Variants in STK10 observed in about 807,000 individuals in gnomAD.
STK10 encodes serine/threonine-protein kinase 10.
A neutral mutation model predicts 113.8 loss-of-function variants in STK10; 78 were observed. The ratio of observed to expected loss-of-function variants is 0.69; its 90% CI spans 0.57 to 0.83. The LOEUF (loss-of-function observed/expected upper bound fraction) is 0.83. Among genes scored for constraint, STK10 ranks in the 40% least tolerant of loss-of-function variants. STK10 has a pLI of 0.00. For missense variants in STK10, 1,109 were observed against 1,280.1 expected, an observed-to-expected ratio of 0.87 and a Z score of 2.04; for synonymous variants, 465 against 494.7, an observed-to-expected ratio of 0.94 and a Z score of 0.80.
intron 12 of STK10, among the ~76,000 whole-genome samples, chr5:172,069,965 G>A (rs1178557774): frequency 6.6e-6 from 1 of 152,116 alleles, no homozygotes; most frequent in Non-Finnish European, 1.5e-5. Context: ...AAAAATATAT[G>A]GGCCGGGCGT....
At chr5:172,075,717 T>C (rs1022184188) in intron 12 of STK10, among the ~76,000 whole-genome samples, 6 of 152,104 alleles carry the variant, frequency 3.9e-5, no homozygotes, top group African/African-American at 1.4e-4. Flanking sequence ...TAAATACATA[T>C]GGGTAGCAAG....
intron 1 of STK10, among the ~76,000 whole-genome samples, chr5:172,182,349 CA>C (rs1442327801): frequency 7.0e-6 from 1 of 143,152 alleles, no homozygotes; most frequent in East Asian, 2.2e-4. Flanking sequence ...AACAAAAAAT[CA>C]AAACCAAAGC....
intron 7 of STK10, among the ~76,000 whole-genome samples, chr5:172,104,345 G>C (rs1056469874): frequency 6.6e-6 from 1 of 152,234 alleles, no homozygotes; most frequent in Non-Finnish European, 1.5e-5. Flanking sequence ...GAACACTGTT[G>C]TGGACACACC....
chr5:172,070,624 A>G (rs191501122), intron 12 of STK10, among the ~76,000 whole-genome samples: 3 of 152,290 alleles, frequency 2.0e-5, no homozygotes, highest in East Asian at 3.9e-4. Context: ...CAAGACTAAT[A>G]TAACAGCAGA....
chr5:172,151,400 C>A (rs1012964768), intron 2 of STK10, among the ~76,000 whole-genome samples: 2 of 151,728 alleles, frequency 1.3e-5, no homozygotes, highest in African/African-American at 4.8e-5. Flanking sequence ...GGCTGGAGTG[C>A]AATGGCACAA....
In STK10 at chr5:172,082,123, A is replaced by G. The variant is rs1279169492; in HGVS notation, c.1989+203T>C. 6.6e-6 allele frequency among the ~76,000 whole-genome samples: 1 copy of G among 152,138 alleles called. No homozygotes were observed. The highest frequency in any genetic ancestry group is 2.4e-5 in the African/African-American group (1 of 41,426). ...GGTGAGGCCTGCCCTGAGCCATAGC[A>G]ACACAGAGGAAAGCAGAGTTCAGAA... On this transcript the variant is annotated intron_variant, in intron 12 of 18. Coordinates refer to ENST00000176763, the MANE Select transcript of STK10 (RefSeq NM_005990.4). The surrounding 1 kb of genome is among the most constrained non-coding windows in gnomAD (Gnocchi z 4.3).
intron 1 of STK10, among the ~76,000 whole-genome samples, chr5:172,162,465 C>CA (rs1770491074): frequency 6.6e-6 from 1 of 152,210 alleles, no homozygotes; most frequent in African/African-American, 2.4e-5. Context: ...CACACACACA[C>CA]AGTCTTAACT....
At chr5:172,181,765 C>T (rs1447134588) in intron 1 of STK10, among the ~76,000 whole-genome samples, 1 of 151,638 alleles carries the variant, frequency 6.6e-6, no homozygotes, top group Non-Finnish European at 1.5e-5. Flanking sequence ...GAGCCAAGAT[C>T]GCGCTAATGC....
intron 1 of STK10, among the ~76,000 whole-genome samples, chr5:172,186,331 C>T (rs1397548441): frequency 6.6e-6 from 1 of 150,918 alleles, no homozygotes; most frequent in East Asian, 2.0e-4. Context: ...CTCAAAATTG[C>T]CACCGCTCCA....
intron 2 of STK10, among the ~76,000 whole-genome samples, chr5:172,141,898 G>GT (rs1037084588): frequency 2.6e-4 from 40 of 152,280 alleles, no homozygotes; most frequent in African/African-American, 9.6e-4. Flanking sequence ...GTGGTGCCGT[G>GT]TAAGGGTTGG....
At chr5:172,166,322 T>C (rs1036464171) in intron 1 of STK10, among the ~76,000 whole-genome samples, 4 of 152,194 alleles carry the variant, frequency 2.6e-5, no homozygotes, top group Non-Finnish European at 4.4e-5. Context: ...ACTCTACCCG[T>C]AGACTTCTCA....
In STK10 at chr5:172,187,729, C is replaced by T. The variant is rs1043376969; in HGVS notation, c.156+158G>A. 2.0e-5 allele frequency among the ~76,000 whole-genome samples: 3 copies of T among 152,180 alleles called. No individual in the cohort carries two copies. Among genetic ancestry groups the T allele is most frequent in the Non-Finnish European group, 4.4e-5 (3 of 68,018 alleles). ...CTCGGCCGGGCCGAGTGATGTTCCC[C>T]CCAAAAAACAAGAGTCATCGGGATG... On this transcript the variant is annotated intron_variant, in intron 1 of 18. Coordinates refer to ENST00000176763, the MANE Select transcript of STK10 (RefSeq NM_005990.4). The surrounding 1 kb of genome is among the most constrained non-coding windows in gnomAD (Gnocchi z 4.6).
chr5:172,129,842 G>A (rs1373879254), intron 2 of STK10, among the ~76,000 whole-genome samples: 1 of 152,210 alleles, frequency 6.6e-6, no homozygotes, highest in African/African-American at 2.4e-5. Flanking sequence ...GTGAGATGGG[G>A]ATGATACACC....
intron 4 of STK10, among the ~76,000 whole-genome samples, chr5:172,116,881 A>C (rs1488054449): frequency 2.6e-5 from 4 of 151,840 alleles, no homozygotes; most frequent in Admixed American, 6.6e-5. Context: ...ACAACAACAA[A>C]AAAAGAAGGT....
intron 13 of STK10, among the ~76,000 whole-genome samples, chr5:172,062,223 C>T (rs777775566): frequency 6.6e-6 from 1 of 152,030 alleles, no homozygotes; most frequent in Non-Finnish European, 1.5e-5. Flanking sequence ...AGTGATCCAC[C>T]CGCCTCGGCC....
intron 12 of STK10, among the ~76,000 whole-genome samples, chr5:172,072,790 TA>T (rs1384834630): frequency 6.6e-6 from 1 of 152,072 alleles, no homozygotes; most frequent in Non-Finnish European, 1.5e-5. Flanking sequence ...AATTAAAAAA[TA>T]AAAAGCATAC....
intron 2 of STK10, among the ~76,000 whole-genome samples, chr5:172,145,429 G>A (rs973325099): frequency 1.3e-5 from 2 of 151,370 alleles, no homozygotes; most frequent in Non-Finnish European, 2.9e-5. Context: ...ACAGGTAGGA[G>A]TCAAACCAAG....
intron 3 of STK10, among the ~76,000 whole-genome samples, chr5:172,123,400 G>A (rs533757254): frequency 1.3e-4 from 20 of 152,324 alleles, no homozygotes; most frequent in Admixed American, 2.6e-4. Context: ...GAACTGGGAC[G>A]GGAGCCAGAG....
chr5:172,170,121 C>G (rs78696329), intron 1 of STK10, among the ~76,000 whole-genome samples: 1 of 131,410 alleles, frequency 7.6e-6, no homozygotes, highest in Non-Finnish European at 1.5e-5. Flanking sequence ...CAGTATGTAT[C>G]CTTTTTTTTT....
Sources: allele counts gnomAD v4.1 joint callset (sites outside exome capture counted in the v4.1 genomes callset), GRCh38; gene constraint gnomAD v4.1.1; non-coding constraint Gnocchi (gnomAD v3.1); transcripts MANE v1.5; gene names NCBI Gene and HGNC (gene_info 2026-07-23, HGNC 2026-07-21).